Variants in NCOR2 observed in about 807,000 individuals in gnomAD.
NCOR2 encodes the protein CTG repeat protein 26.
Under a neutral mutation model 262.9 loss-of-function variants are expected in NCOR2, and 81 were observed. The observed-to-expected ratio is 0.31, with a 90% confidence interval of 0.26 to 0.37. NCOR2 has a LOEUF of 0.37. NCOR2 is among the 10% of genes least tolerant of loss of function. The pLI, the probability that NCOR2 is intolerant of heterozygous loss-of-function variation, is 1.00. For synonymous variants in NCOR2, 1,659 were observed against 1,559.3 expected, an observed-to-expected ratio of 1.06 and a Z score of -1.51; for missense variants, 3,385 against 3,621.4, an observed-to-expected ratio of 0.93 and a Z score of 1.68.
intron 1 of NCOR2, among the ~76,000 whole-genome samples, chr12:124,543,620 C>G (rs1288367607): frequency 6.6e-6 from 1 of 152,224 alleles, no homozygotes; most frequent in Non-Finnish European, 1.5e-5. Flanking sequence ...GGTGTGGGGC[C>G]GCCATCAGAG....
intron 1 of NCOR2, among the ~76,000 whole-genome samples, chr12:124,492,760 C>T (rs1441599548): frequency 6.6e-6 from 1 of 152,132 alleles, no homozygotes; most frequent in Non-Finnish European, 1.5e-5. Flanking sequence ...GAGGGGCCTC[C>T]AGATCACAGC....
chr12:124,418,352 G>A (rs1565925074), intron 13 of NCOR2, among the ~76,000 whole-genome samples: 1 of 152,214 alleles, frequency 6.6e-6, no homozygotes. Context: ...TTCCCTCATG[G>A]GAGTTTTCTT....
intron 5 of NCOR2, 31 bp downstream of exon 7, chr12:124,466,142 G>C (rs1463501914): frequency 6.3e-7 from 1 of 1,577,366 alleles, no homozygotes; most frequent in South Asian, 1.1e-5. Context: ...GCCAGCACCG[G>C]GGGGCAGCAG....
At position 124,332,306 on chromosome 12, in the gene NCOR2, G is replaced by A. The variant is rs753775566; in HGVS notation, c.6904+13C>T. 74 of 1,613,640 alleles carry A rather than the reference G, an allele frequency of 4.6e-5. 1 individual carries two copies. Among genetic ancestry groups the A allele is most frequent in the South Asian group, 4.0e-4 (36 of 91,080 alleles). On this transcript the variant is annotated intron_variant, in intron 43 of 46. Coordinates refer to ENST00000405201, the Ensembl canonical transcript of NCOR2. Reference sequence around the variant, plus strand: ...TGGCCCCATGCTTCCCCGGGAGCCTGCAGGCCCCTTACTGTATTCAGGCTC... The same window carrying A: ...TGGCCCCATGCTTCCCCGGGAGCCTACAGGCCCCTTACTGTATTCAGGCTC...
At chr12:124,344,476 A>T in intron 32 of NCOR2, 121 bp downstream of exon 34, 1 of 945,394 alleles carries the variant, frequency 1.1e-6, no homozygotes, top group Non-Finnish European at 1.5e-6. Context: ...GGTGGTTTGG[A>T]TGTGGTGGAA....
chr12:124,371,123 G>T (rs950273607), intron 20 of NCOR2, among the ~76,000 whole-genome samples: 5 of 152,108 alleles, frequency 3.3e-5, no homozygotes, highest in Admixed American at 2.0e-4. Flanking sequence ...CTTGGGAGAG[G>T]CTCGTAAAGG....
intron 33 of NCOR2, 51 bp from the exon 36 acceptor site, chr12:124,342,125 G>A (rs754078447): frequency 1.5e-5 from 24 of 1,556,850 alleles, no homozygotes; most frequent in Non-Finnish European, 2.1e-5. Flanking sequence ...TAGGCCTGAT[G>A]GTGTCGCTCC....
Position 124,342,867 on chromosome 12 carries a change from T to C in NCOR2, c.4936+138A>G, listed in dbSNP as rs2036575968. The C allele has an allele frequency of 1.9e-5, 17 of 874,942 alleles. No homozygotes were observed. In the South Asian group the frequency reaches 2.6e-4, roughly 13 times the overall value. 54.2% of individuals were successfully genotyped at this position (874,942 alleles called of 1,614,324 possible). A position where few individuals can be genotyped will look rare whatever the true frequency, so the allele number is the denominator to read the frequency against. ...AAGCTCATGATTACACTGTTGGGTC[T>C]TCCAATCCCGAGGCCTCAGTTTCGC... On this transcript the variant is annotated intron_variant, in intron 33 of 46. Transcript: ENST00000405201.
chr12:124,363,725 A>G (rs1484756517), exon 21 of NCOR2: 1 of 1,409,114 alleles, frequency 7.1e-7, no homozygotes, highest in Non-Finnish European at 9.3e-7. Flanking sequence ...CTTCAGGTCC[A>G]GTGGCTTCTG....
intron 1 of NCOR2, among the ~76,000 whole-genome samples, chr12:124,545,558 A>G (rs567423602): frequency 1.3e-5 from 2 of 152,294 alleles, no homozygotes; most frequent in East Asian, 3.9e-4. Context: ...CCAAGGCCCA[A>G]AGACGCCAGG....
chr12:124,416,723 AG>A (rs1159677115), intron 13 of NCOR2, among the ~76,000 whole-genome samples: 2 of 144,402 alleles, frequency 1.4e-5, no homozygotes, highest in Non-Finnish European at 3.0e-5. Context: ...CCCGCGGCAC[AG>A]GGAGTCCCCG....
intron 13 of NCOR2, among the ~76,000 whole-genome samples, chr12:124,410,991 G>A (rs1190286636): frequency 6.7e-6 from 1 of 150,078 alleles, no homozygotes; most frequent in African/African-American, 2.5e-5. Flanking sequence ...GAGACCTGGA[G>A]GAGGAAGGGT....
chr12:124,420,026 G>A (rs1023333849), exon 13 of NCOR2: 5 of 1,613,666 alleles, frequency 3.1e-6, no homozygotes, highest in Admixed American at 1.7e-5. Flanking sequence ...TCTTAGTCAG[G>A]TAGTAATAGA....
chr12:124,526,955 AG>A, intron 1 of NCOR2, among the ~76,000 whole-genome samples: 1 of 152,236 alleles, frequency 6.6e-6, no homozygotes. Flanking sequence ...CCCAAGAGCC[AG>A]CCAATCAGGG....
rs1170148177 is a variant in NCOR2 at position 124,549,292 on chromosome 12, C to T, written c.-164-13681G>A. Among the ~76,000 whole-genome samples the T allele has an allele frequency of 6.6e-6, 1 of 151,608 alleles. No homozygotes were observed. The highest frequency in any genetic ancestry group is 1.5e-5 in the Non-Finnish European group (1 of 67,696). On this transcript the variant is annotated intron_variant, in intron 1 of 32. Transcript: ENST00000458234. This position sits in a 1 kb window ranked among gnomAD's most constrained non-coding sequence, Gnocchi z 4.4. ...GGGCTGGCGGTGGGAGGGGCAGGGC[C>T]GCGGCTGGAGGATAAAATCCCACAC...
chr12:124,474,503 C>T (rs562716604), intron 3 of NCOR2, among the ~76,000 whole-genome samples: 2 of 152,276 alleles, frequency 1.3e-5, no homozygotes, highest in South Asian at 2.1e-4. Flanking sequence ...GTCTGGTGCA[C>T]CCAGGCTGTG....
chr12:124,374,533 C>G, intron 18 of NCOR2, 70 bp from the exon 21 acceptor site: 1 of 1,488,360 alleles, frequency 6.7e-7, no homozygotes, highest in Non-Finnish European at 9.3e-7. Flanking sequence ...GAGGAGGCAA[C>G]GTGGCCAAGA....
chr12:124,388,891 AGG>A (rs2041046576), intron 16 of NCOR2: 6 of 155,760 alleles, frequency 3.9e-5, no homozygotes, highest in Non-Finnish European at 4.9e-5. Flanking sequence ...GGAGGGAGGG[AGG>A]GAGCGAGGGA....
intron 1 of NCOR2, among the ~76,000 whole-genome samples, chr12:124,506,145 A>G (rs552339196): frequency 6.6e-6 from 1 of 152,274 alleles, no homozygotes; most frequent in Admixed American, 6.5e-5. Flanking sequence ...TCTCATGCTA[A>G]CACCAGAGGC....
Sources: allele counts gnomAD v4.1 joint callset (sites outside exome capture counted in the v4.1 genomes callset), GRCh38; gene constraint gnomAD v4.1.1; non-coding constraint Gnocchi (gnomAD v3.1); transcripts MANE v1.5; gene names NCBI Gene and HGNC (gene_info 2026-07-23, HGNC 2026-07-21).